SLC22A23: variants seen among roughly 807,000 people sequenced by gnomAD.
SLC22A23 encodes solute carrier family 22 member 23.
In SLC22A23, 26 loss-of-function variants were observed where a neutral mutation model predicts 61.0. The observed-to-expected ratio is 0.43, with a 90% CI of 0.31 to 0.59. The LOEUF is 0.59. SLC22A23 is among the 20% of genes least tolerant of loss of function. SLC22A23 has a pLI of 0.11. For missense variants in SLC22A23, 796 were observed against 934.7 expected, an observed-to-expected ratio of 0.85 and a Z score of 1.94; for synonymous variants, 430 against 413.9, an observed-to-expected ratio of 1.04 and a Z score of -0.47.
At chr6:3,376,970 G>A (rs9503569) in intron 3 of SLC22A23, among the ~76,000 whole-genome samples, 18,199 of 151,720 alleles carry the variant, frequency 0.12, 1,388 homozygotes, top group African/African-American at 0.22. Context: ...CCACATGAAG[G>A]TGTCGGGGGA....
At chr6:3,355,351 C>T (rs1581738962) in intron 3 of SLC22A23, among the ~76,000 whole-genome samples, 1 of 152,002 alleles carries the variant, frequency 6.6e-6, no homozygotes, top group Admixed American at 6.6e-5. Context: ...AGCCTTTGAA[C>T]TTAAAAGACG....
chr6:3,336,650 T>A (rs1399494882), intron 3 of SLC22A23, among the ~76,000 whole-genome samples: 2 of 152,240 alleles, frequency 1.3e-5, no homozygotes, highest in African/African-American at 4.8e-5. Context: ...CGTCTAGCAT[T>A]GTATTCAGCA....
chr6:3,422,305 C>T (rs972605601), intron 1 of SLC22A23, among the ~76,000 whole-genome samples: 2 of 152,134 alleles, frequency 1.3e-5, no homozygotes, highest in African/African-American at 4.8e-5. Context: ...CACTTCTTAA[C>T]TGCAGACAAT....
At chr6:3,274,035 A>C (rs770393132) in intron 9 of SLC22A23, among the ~76,000 whole-genome samples, 1 of 152,198 alleles carries the variant, frequency 6.6e-6, no homozygotes, top group African/African-American at 2.4e-5. Context: ...GGGTCCCCCA[A>C]ATGAAGCTGT....
At chr6:3,332,037 A>G (rs1763607263) in intron 3 of SLC22A23, among the ~76,000 whole-genome samples, 2 of 152,170 alleles carry the variant, frequency 1.3e-5, no homozygotes, top group Admixed American at 1.3e-4. Flanking sequence ...GTGAGTGACC[A>G]TGTTTGTAGA....
intron 1 of SLC22A23, among the ~76,000 whole-genome samples, chr6:3,451,874 C>T (rs1561635336): frequency 1.3e-5 from 2 of 152,156 alleles, no homozygotes; most frequent in Middle Eastern, 3.2e-3. Context: ...GGTGTGAACA[C>T]GATACACATT....
intron 4 of SLC22A23, among the ~76,000 whole-genome samples, chr6:3,319,024 G>T (rs74504348): frequency 6.6e-6 from 1 of 152,176 alleles, no homozygotes; most frequent in Admixed American, 6.5e-5. Context: ...CAGTGTGTGC[G>T]CTGCCTCTGT....
intron 3 of SLC22A23, among the ~76,000 whole-genome samples, chr6:3,340,966 T>C (rs915234061): frequency 1.3e-5 from 2 of 152,244 alleles, no homozygotes; most frequent in African/African-American, 4.8e-5. Flanking sequence ...CACATAACCT[T>C]TGGCATTCCC....
chr6:3,425,865 T>C (rs745757659), intron 1 of SLC22A23, among the ~76,000 whole-genome samples: 2 of 152,226 alleles, frequency 1.3e-5, no homozygotes, highest in Admixed American at 1.3e-4. Flanking sequence ...ACTCAGGTTC[T>C]TTCCCCCAGT....
chr6:3,375,129 A>G (rs1766475524), intron 3 of SLC22A23, among the ~76,000 whole-genome samples: 3 of 152,228 alleles, frequency 2.0e-5, no homozygotes, highest in Admixed American at 1.3e-4. Context: ...CTCAATAGCG[A>G]TAAGAAGTGA....
intron 3 of SLC22A23, among the ~76,000 whole-genome samples, chr6:3,349,286 C>T (rs994215380): frequency 1.3e-5 from 2 of 152,200 alleles, no homozygotes; most frequent in Non-Finnish European, 2.9e-5. Context: ...GAGCCCCAAA[C>T]ACCTTTCTGT....
rs1281668591 is a variant in SLC22A23, at chr6:3,342,233, C to T, written c.914-18231G>A. 2.0e-5 allele frequency among the ~76,000 whole-genome samples: 3 copies of T among 152,140 alleles called. No homozygotes were observed. The highest frequency in any genetic ancestry group is 6.5e-5 in the Admixed American group (1 of 15,276). On this transcript the variant is annotated intron_variant, in intron 3 of 9. Coordinates refer to ENST00000406686, the MANE Select transcript of SLC22A23 (RefSeq NM_015482.2). The surrounding 1 kb of genome is among the most constrained non-coding windows in gnomAD (Gnocchi z 4.0). ...ATGGAAGCCTCAATTTGAAATCCAG[C>T]CCAATGTGGTTTGCTGTTTTAAGGC... is the stretch of plus-strand genomic sequence containing the variant.
At chr6:3,348,255 GA>G (rs1163462808) in intron 3 of SLC22A23, among the ~76,000 whole-genome samples, 7 of 152,344 alleles carry the variant, frequency 4.6e-5, no homozygotes, top group Admixed American at 3.3e-4. Context: ...GTGAGGAAGG[GA>G]ATTGGTTTCT....
rs1023656397 is a variant in SLC22A23 at position 3,308,588 on chromosome 6, C to T, written c.1083-10370G>A. ...GGGCACTAACTCAGGGTTGATCAAA[C>T]CTCACAAAAACGTGAACCATGCCAT... On this transcript the variant is annotated intron_variant, in intron 4 of 9. Coordinates refer to ENST00000406686, the MANE Select transcript of SLC22A23 (RefSeq NM_015482.2). The surrounding 1 kb of genome is among the most constrained non-coding windows in gnomAD (Gnocchi z 5.1). Among the ~76,000 whole-genome samples the T allele has an allele frequency of 1.3e-5, 2 of 152,184 alleles. No individual in the cohort carries two copies. Among genetic ancestry groups the T allele is most frequent in the Admixed American group, 6.5e-5 (1 of 15,282 alleles).
In SLC22A23 at chr6:3,324,699, C is replaced by T. The variant is rs188752308; in HGVS notation, c.914-697G>A. On this transcript the variant is annotated intron_variant, in intron 3 of 9. Transcript: ENST00000406686. This position sits in a 1 kb window ranked among gnomAD's most constrained non-coding sequence, Gnocchi z 4.3. ...GGGAGTTCTGTGGGCCACTGCAACA[C>T]GGGTGAGTCATGCATCCTTTCTCTG... is the stretch of plus-strand genomic sequence containing the variant. Among the ~76,000 whole-genome samples, 6 of 152,348 alleles carry T rather than the reference C, an allele frequency of 3.9e-5. No homozygotes were observed. Among genetic ancestry groups the T allele is most frequent in the East Asian group, 3.9e-4 (2 of 5,192 alleles).
intron 1 of SLC22A23, among the ~76,000 whole-genome samples, chr6:3,441,303 A>G (rs191718485): frequency 4.6e-5 from 7 of 152,248 alleles, no homozygotes; most frequent in African/African-American, 1.7e-4. Flanking sequence ...TCTCCCATCA[A>G]GTCCTAAAAT....
intron 3 of SLC22A23, among the ~76,000 whole-genome samples, chr6:3,334,861 T>C (rs555028684): frequency 1.2e-4 from 18 of 152,354 alleles, no homozygotes; most frequent in Admixed American, 4.6e-4. Flanking sequence ...CCAACCTGCT[T>C]ATTTTATTCA....
chr6:3,397,116 A>G (rs1238169259), intron 3 of SLC22A23, among the ~76,000 whole-genome samples: 1 of 152,226 alleles, frequency 6.6e-6, no homozygotes, highest in African/African-American at 2.4e-5. Flanking sequence ...AGGTTTGAGC[A>G]GCAGGGCACT....
intron 3 of SLC22A23, among the ~76,000 whole-genome samples, chr6:3,394,781 C>T (rs922078802): frequency 1.3e-5 from 2 of 152,238 alleles, no homozygotes; most frequent in Admixed American, 1.3e-4. Context: ...GCACAGCCCC[C>T]ACATGATAGT....
Sources: gnomAD v4.1 joint callset for allele counts (sites outside exome capture counted in the v4.1 genomes callset) on GRCh38, gnomAD v4.1.1 for gene constraint, Gnocchi (gnomAD v3.1) non-coding constraint, MANE v1.5 for transcripts, NCBI Gene and HGNC (gene_info 2026-07-23, HGNC 2026-07-21) for gene names.